UNC13C: variants seen among roughly 807,000 people sequenced by gnomAD.
UNC13C encodes protein unc-13 homolog C.
In UNC13C, 174 loss-of-function variants were observed where a neutral mutation model predicts 245.4. The observed-to-expected ratio is 0.71, with a 90% CI of 0.63 to 0.80. The LOEUF (loss-of-function observed/expected upper bound fraction) is 0.80. Ranked by LOEUF, UNC13C falls within the 30% of genes least tolerant of loss-of-function variation. The probability of loss-of-function intolerance (pLI) is 0.00; values close to 1 mark genes in which losing one functional copy is unlikely to be tolerated. For synonymous variants in UNC13C, 992 were observed against 895.1 expected (o/e 1.11, Z -1.93); for missense variants, 2,829 against 2,602.9 (o/e 1.09, Z -1.89).
At chr15:54,361,360 T>C (rs988251307) in intron 17 of UNC13C, among the ~76,000 whole-genome samples, 15 of 152,218 alleles carry the variant, frequency 9.9e-5, no homozygotes, top group African/African-American at 3.6e-4. Context: ...TACTATTTCT[T>C]TGTCAATTTT....
At chr15:53,873,424 C>A in the UNC13C span, among the ~76,000 whole-genome samples, 3 of 152,156 alleles carry the variant, frequency 2.0e-5, no homozygotes, top group Non-Finnish European at 4.4e-5. Flanking sequence ...TCCTCTTCCA[C>A]GATGTCCATC....
chr15:54,155,579 T>C (rs960115121), intron 4 of UNC13C, among the ~76,000 whole-genome samples: 1 of 6,324 alleles, frequency 1.6e-4, no homozygotes, highest in Non-Finnish European at 1.5e-3. Flanking sequence ...TTTCTTATAT[T>C]TACTTCCACT....
At chr15:54,171,883 A>G (rs2033411538) in intron 4 of UNC13C, among the ~76,000 whole-genome samples, 1 of 152,152 alleles carries the variant, frequency 6.6e-6, no homozygotes. Flanking sequence ...GAATGGATAA[A>G]GAAAATGTGG....
chr15:54,082,457 T>C (rs1278193752), intron 2 of UNC13C, among the ~76,000 whole-genome samples: 1 of 152,218 alleles, frequency 6.6e-6, no homozygotes, highest in Admixed American at 6.5e-5. Flanking sequence ...ATGTGCTTTG[T>C]TCATTAATTT....
chr15:54,261,865 T>C (rs866841338), intron 8 of UNC13C, among the ~76,000 whole-genome samples: 90 of 152,254 alleles, frequency 5.9e-4, no homozygotes, highest in African/African-American at 2.1e-3. Flanking sequence ...TTTTAAAAGC[T>C]ACATATTTTT....
chr15:54,369,340 G>C (rs993885966), intron 17 of UNC13C, among the ~76,000 whole-genome samples: 1 of 152,044 alleles, frequency 6.6e-6, no homozygotes, highest in Non-Finnish European at 1.5e-5. Flanking sequence ...TGCCTTTGCC[G>C]AAGCCCTTTT....
At chr15:54,078,039 T>C (rs762592946) in intron 2 of UNC13C, among the ~76,000 whole-genome samples, 55 of 152,184 alleles carry the variant, frequency 3.6e-4, no homozygotes, top group Non-Finnish European at 6.2e-4. Context: ...TGTGTACTCA[T>C]TGTTTAGCTC....
At chr15:54,351,193 A>G (rs2038974709) in intron 17 of UNC13C, among the ~76,000 whole-genome samples, 1 of 152,076 alleles carries the variant, frequency 6.6e-6, no homozygotes, top group African/African-American at 2.4e-5. Context: ...GTATTTCCCA[A>G]ATTTCCTGCT....
rs888389899 is a variant in UNC13C at position 54,615,958 on chromosome 15, A to G, written c.6107-6369A>G. On this transcript the variant is annotated intron_variant, in intron 30 of 32. Coordinates refer to ENST00000260323, the MANE Select transcript of UNC13C (RefSeq NM_001080534.3). ...TCAACTTCTTTATGTCTAAAACAAA[A>G]AGACTGGACCAAATGATTTCCAAGG... 1.2e-4 allele frequency among the ~76,000 whole-genome samples: 19 copies of G among 152,208 alleles called. 2 individuals carry two copies. Among genetic ancestry groups the G allele is most frequent in the Admixed American group, 9.8e-4 (15 of 15,266 alleles).
intron 17 of UNC13C, among the ~76,000 whole-genome samples, chr15:54,374,202 GCAC>G (rs1326864602): frequency 6.6e-6 from 1 of 152,150 alleles, no homozygotes; most frequent in East Asian, 1.9e-4. Flanking sequence ...CCCAGAAAAA[GCAC>G]CATAAGTTCT....
intron 1 of UNC13C, among the ~76,000 whole-genome samples, chr15:53,997,495 A>T (rs1894689150): frequency 6.6e-6 from 1 of 152,126 alleles, no homozygotes; most frequent in Non-Finnish European, 1.5e-5. Context: ...TTGCGTTAAC[A>T]TTCTTTTATA....
the UNC13C span, among the ~76,000 whole-genome samples, chr15:53,922,932 T>C: frequency 6.6e-6 from 1 of 152,194 alleles, no homozygotes; most frequent in African/African-American, 2.4e-5. Context: ...AAGCGATTAT[T>C]AATGGTGAAA....
chr15:54,016,253 C>T (rs1330251205), intron 2 of UNC13C, among the ~76,000 whole-genome samples: 2 of 152,120 alleles, frequency 1.3e-5, no homozygotes, highest in African/African-American at 4.8e-5. Flanking sequence ...AGCCTGGCAT[C>T]TATTTCTTGG....
the UNC13C span, among the ~76,000 whole-genome samples, chr15:53,941,903 A>C: frequency 1.3e-5 from 2 of 152,180 alleles, no homozygotes; most frequent in Non-Finnish European, 2.9e-5. Context: ...AAGTCAAGAA[A>C]CAACAGATGC....
intron 16 of UNC13C, among the ~76,000 whole-genome samples, chr15:54,337,114 T>C (rs1323283522): frequency 2.6e-5 from 4 of 152,194 alleles, no homozygotes; most frequent in African/African-American, 9.7e-5. Context: ...CAACATCTCA[T>C]GTTTTATTTC....
At position 54,210,209 on chromosome 15, in the gene UNC13C, AATAT is replaced by A. The variant is rs949146182; in HGVS notation, c.3072-24809_3072-24806del. Among the ~76,000 whole-genome samples the A allele has an allele frequency of 1.4e-5, 2 of 138,970 alleles. 1 individual carries two copies. Among genetic ancestry groups the A allele is most frequent in the Non-Finnish European group, 3.1e-5 (2 of 65,472 alleles). The allele number at this position is 138,970 out of a possible 152,430, so 91.2% of individuals were successfully genotyped here. A position where few individuals can be genotyped will look rare whatever the true frequency, so the allele number is the denominator to read the frequency against. On this transcript the variant is annotated intron_variant, in intron 4 of 32. Coordinates refer to ENST00000260323, the MANE Select transcript of UNC13C (RefSeq NM_001080534.3). Reference sequence around the variant, plus strand: ...TGCAAAGAAAACTTACTATATATAAAATATATATATATATAGTTAACTGCATTAA... The same window carrying A: ...TGCAAAGAAAACTTACTATATATAAAATATATATATAGTTAACTGCATTAA...
intron 17 of UNC13C, among the ~76,000 whole-genome samples, chr15:54,374,338 T>G (rs537455219): frequency 6.6e-6 from 1 of 152,202 alleles, no homozygotes; most frequent in East Asian, 1.9e-4. Context: ...CCAGGCTGTT[T>G]GTACTGAGGG....
At chr15:54,327,003 A>G (rs1209463667) in intron 14 of UNC13C, among the ~76,000 whole-genome samples, 4 of 152,080 alleles carry the variant, frequency 2.6e-5, no homozygotes, top group Non-Finnish European at 5.9e-5. Context: ...ATCACTGAGT[A>G]TAAATGTTAT....
chr15:54,167,331 T>C (rs972542089), intron 4 of UNC13C, among the ~76,000 whole-genome samples: 24 of 151,050 alleles, frequency 1.6e-4, no homozygotes, highest in Non-Finnish European at 2.8e-4. Flanking sequence ...TGAAACCCCG[T>C]CTCTACTGAA....
Sources: allele counts gnomAD v4.1 joint callset (sites outside exome capture counted in the v4.1 genomes callset), GRCh38; gene constraint gnomAD v4.1.1; transcripts MANE v1.5; gene names NCBI Gene and HGNC (gene_info 2026-07-23, HGNC 2026-07-21).